The following VEPH1 variants were observed in gnomAD, a reference collection of about 807,000 sequenced individuals.
VEPH1 encodes ventricular zone expressed PH domain containing 1.
VEPH1 carries 80 observed loss-of-function variants against 85.2 expected under a neutral mutation model. The observed-to-expected ratio is 0.94, with a 90% CI of 0.78 to 1.13. The LOEUF (loss-of-function observed/expected upper bound fraction) is 1.13, where lower values mean the gene tolerates loss of function less well. Among genes scored for constraint, VEPH1 ranks in the 50% most tolerant of loss-of-function variants. The pLI, the probability that VEPH1 is intolerant of heterozygous loss-of-function variation, is 0.00. For synonymous variants in VEPH1, 297 were observed against 348.0 expected (o/e 0.85, Z 1.63); for missense variants, 955 against 980.5 (o/e 0.97, Z 0.35).
At chr3:157,481,461 CACACAAA>C (rs1271963548) in intron 2 of VEPH1, among the ~76,000 whole-genome samples, 2 of 63,240 alleles carry the variant, frequency 3.2e-5, no homozygotes, top group Non-Finnish European at 5.5e-5. Flanking sequence ...CACACACACA[CACACAAA>C]AAAAAAAAAA....
chr3:157,436,921 C>T, intron 4 of VEPH1: 2 of 1,610,394 alleles, frequency 1.2e-6, no homozygotes, highest in Non-Finnish European at 8.5e-7. Context: ...AAGAACTTTG[C>T]GTCTCTCCAG....
intron 7 of VEPH1, among the ~76,000 whole-genome samples, chr3:157,370,463 C>A (rs753465922): frequency 1.4e-4 from 21 of 152,180 alleles, no homozygotes; most frequent in Non-Finnish European, 2.8e-4. Context: ...GTCCTGAATT[C>A]TTAGAATGCT....
intron 9 of VEPH1, among the ~76,000 whole-genome samples, chr3:157,332,806 A>T (rs1209575252): frequency 6.6e-6 from 1 of 152,216 alleles, no homozygotes; most frequent in Non-Finnish European, 1.5e-5. Context: ...TCAACTTGTA[A>T]GGAATGGTCA....
At chr3:157,317,011 C>T (rs1045597903) in intron 10 of VEPH1, 51 bp downstream of exon 10, 18 of 1,557,332 alleles carry the variant, frequency 1.2e-5, no homozygotes, top group Admixed American at 2.0e-5. Context: ...GATTATAAGC[C>T]CATATCCCAG....
rs551965593 is a variant in VEPH1, at chr3:157,341,569, G to A, written c.1735+21795C>T. On this transcript the variant is annotated intron_variant, in intron 9 of 13. Transcript: ENST00000362010. ...TCTGATTGGTGTACCTGAAAGTGAC[G>A]GGGAGAATGGAACCAAGTTGGAAAA... Among the ~76,000 whole-genome samples, 325 of 152,254 alleles carry A rather than the reference G, an allele frequency of 2.1e-3. 1 individual carries two copies. In the Middle Eastern group the frequency reaches 0.024, roughly 11 times the overall value.
intron 6 of VEPH1, among the ~76,000 whole-genome samples, chr3:157,387,965 A>G (rs1007997189): frequency 6.6e-5 from 10 of 152,158 alleles, no homozygotes; most frequent in Admixed American, 2.6e-4. Flanking sequence ...TATAATCCAC[A>G]TTTTTCTCTC....
chr3:157,438,540 G>A (rs1474801513), intron 4 of VEPH1, among the ~76,000 whole-genome samples: 4 of 152,296 alleles, frequency 2.6e-5, no homozygotes, highest in Admixed American at 2.6e-4. Context: ...GAATTAGCGC[G>A]ACAGGGGAGG....
intron 2 of VEPH1, among the ~76,000 whole-genome samples, chr3:157,482,253 T>C (rs1738177955): frequency 6.6e-6 from 1 of 152,082 alleles, no homozygotes; most frequent in African/African-American, 2.4e-5. Flanking sequence ...AGACAGAGTC[T>C]CACTCTGTCG....
chr3:157,471,691 T>C (rs1157200804), intron 2 of VEPH1, among the ~76,000 whole-genome samples: 3 of 151,508 alleles, frequency 2.0e-5, no homozygotes, highest in Non-Finnish European at 2.9e-5. Flanking sequence ...ACCTTATATA[T>C]ATTTTTCTTT....
At chr3:157,304,419 C>A (rs1719238813) in intron 11 of VEPH1, among the ~76,000 whole-genome samples, 1 of 152,144 alleles carries the variant, frequency 6.6e-6, no homozygotes, top group Non-Finnish European at 1.5e-5. Flanking sequence ...GCTTTGGTAA[C>A]TGGAACACGT....
At chr3:157,377,660 C>T (rs1238877736) in intron 7 of VEPH1, among the ~76,000 whole-genome samples, 1 of 152,118 alleles carries the variant, frequency 6.6e-6, no homozygotes, top group African/African-American at 2.4e-5. Flanking sequence ...GCTGTTTCTG[C>T]TTTGCTTGGC....
chr3:157,265,134 C>T (rs1435314610), intron 13 of VEPH1, among the ~76,000 whole-genome samples: 2 of 152,088 alleles, frequency 1.3e-5, no homozygotes, highest in Admixed American at 1.3e-4. Flanking sequence ...TTCTTTCCTC[C>T]TTGTCTATGT....
chr3:157,436,225 C>T (rs1158067986), intron 4 of VEPH1, among the ~76,000 whole-genome samples: 4 of 150,924 alleles, frequency 2.7e-5, no homozygotes, highest in African/African-American at 9.8e-5. Context: ...TGCAGTGAGC[C>T]GAGATCACAC....
chr3:157,492,429 T>C (rs917405549), intron 2 of VEPH1, among the ~76,000 whole-genome samples: 14 of 152,186 alleles, frequency 9.2e-5, no homozygotes, highest in African/African-American at 3.1e-4. Flanking sequence ...AAATTGAGTT[T>C]TCCAGATCTG....
chr3:157,271,905 A>G (rs1714606854), intron 12 of VEPH1, among the ~76,000 whole-genome samples: 1 of 152,244 alleles, frequency 6.6e-6, no homozygotes, highest in Non-Finnish European at 1.5e-5. Context: ...ATTTCTCAAC[A>G]TAAACTCCAT....
chr3:157,467,110 A>AGTGTGTGTGTGTGTGT (rs1356618639), intron 3 of VEPH1, among the ~76,000 whole-genome samples: 1 of 113,960 alleles, frequency 8.8e-6, no homozygotes, highest in African/African-American at 3.9e-5. Flanking sequence ...CAAAAAGAAA[A>AGTGTGTGTGTGTGTGT]GTGTGTGTGT....
At chr3:157,327,851 G>A (rs1722087230) in intron 9 of VEPH1, among the ~76,000 whole-genome samples, 1 of 152,142 alleles carries the variant, frequency 6.6e-6, no homozygotes, top group African/African-American at 2.4e-5. Flanking sequence ...AAGAGCCTTG[G>A]ATGCTCTCAC....
chr3:157,356,598 T>A (rs1474281), intron 9 of VEPH1, among the ~76,000 whole-genome samples: 34,407 of 152,112 alleles, frequency 0.23, 4,757 homozygotes, highest in Admixed American at 0.43. Flanking sequence ...CTCTGTCTTA[T>A]CAAAACCCTT....
At chr3:157,322,625 C>G (rs1168873991) in intron 9 of VEPH1, among the ~76,000 whole-genome samples, 1 of 152,114 alleles carries the variant, frequency 6.6e-6, no homozygotes, top group Admixed American at 6.6e-5. Flanking sequence ...TGAGGGCTGT[C>G]CAGAGCAGGG....
Sources: gnomAD v4.1 joint callset for allele counts (sites outside exome capture counted in the v4.1 genomes callset) on GRCh38, gnomAD v4.1.1 for gene constraint, MANE v1.5 for transcripts, NCBI Gene and HGNC (gene_info 2026-07-23, HGNC 2026-07-21) for gene names.